Variants in GOLGA4 observed in about 807,000 individuals in gnomAD.
GOLGA4 encodes the protein golgin A4, also known as golgin subfamily A member 4.
A neutral mutation model predicts 265.9 loss-of-function variants in GOLGA4; 169 were observed. That is an observed-to-expected ratio of 0.64 (90% CI 0.56 to 0.72). GOLGA4 has a LOEUF of 0.72. GOLGA4 is among the 30% of genes least tolerant of loss of function. The probability of loss-of-function intolerance (pLI) is 0.00; values close to 1 mark genes in which losing one functional copy is unlikely to be tolerated. For missense variants in GOLGA4, 2,482 were observed against 2,483.4 expected, an observed-to-expected ratio of 1.00 and a Z score of 0.01; for synonymous variants, 923 against 855.8, an observed-to-expected ratio of 1.08 and a Z score of -1.37.
chr3:37,323,704 A>G lies in GOLGA4; in HGVS notation c.1818A>G (p.Thr606=), dbSNP rs1340751105. ...AEKNKHNKEI[T]VMVEKHKTEL... is the part of the protein sequence containing the mutation. ...AAAATAAGCACAATAAGGAGATTACAGTCATGGTTGAAAAACACAAGACAG... is the reference window on the plus strand; with the variant it reads ...AAAATAAGCACAATAAGGAGATTACGGTCATGGTTGAAAAACACAAGACAG... Residue 606 remains threonine, a synonymous_variant, in exon 14 of 24, where the codon ACA becomes ACG. Transcript: ENST00000361924. 6.2e-7 allele frequency: 1 copy of G among 1,613,788 alleles called. No homozygotes were observed. The highest frequency in any genetic ancestry group is 1.1e-5 in the South Asian group (1 of 90,914).
intron 1 of GOLGA4, among the ~76,000 whole-genome samples, chr3:37,246,700 C>T (rs2096720625): frequency 6.6e-6 from 1 of 152,114 alleles, no homozygotes; most frequent in South Asian, 2.1e-4. Context: ...GTGGTGATTC[C>T]ACAACAGTGT....
At chr3:37,275,141 G>A (rs1416322946) in intron 2 of GOLGA4, among the ~76,000 whole-genome samples, 2 of 149,332 alleles carry the variant, frequency 1.3e-5, no homozygotes, top group East Asian at 2.0e-4. Flanking sequence ...GCTTGAACCC[G>A]GGAGGCGGAG....
chr3:37,297,369 A>T (rs2096881263), intron 7 of GOLGA4, among the ~76,000 whole-genome samples: 1 of 152,154 alleles, frequency 6.6e-6, no homozygotes, highest in Admixed American at 6.5e-5. Context: ...CTTCAGACTC[A>T]TAAATGTAAA....
chr3:37,246,121 C>T (rs546054828), intron 1 of GOLGA4, among the ~76,000 whole-genome samples: 11 of 151,712 alleles, frequency 7.3e-5, no homozygotes, highest in East Asian at 3.9e-4. Flanking sequence ...GAGGCCAAGG[C>T]GGGCGGATCA....
At position 37,298,850 on chromosome 3, in the gene GOLGA4, G is replaced by A. The variant is rs576248585; in HGVS notation, c.832G>A (p.Val278Ile). 6 of 1,606,248 alleles carry A rather than the reference G, an allele frequency of 3.7e-6. No homozygotes were observed. The highest frequency in any genetic ancestry group is 2.5e-6 in the Non-Finnish European group (3 of 1,177,814). The change falls in exon 8 of 24, where the codon GTA becomes ATA. Residue 278 changes from valine to isoleucine, a missense_variant. Physicochemically the swap from Val to Ile is conservative, Grantham distance 29 (BLOSUM62 3). Transcript: ENST00000361924. The part of the protein sequence containing the change: ...GEPVVEDGTS[V>I]KTLETLQQRV... ...ATTGTTAGTGGAAGATGGAACTTCT[G>A]TAAAAACACTGGAAACACTCCAGCA...
chr3:37,248,066 T>C (rs2096724239), intron 1 of GOLGA4, among the ~76,000 whole-genome samples: 1 of 152,180 alleles, frequency 6.6e-6, no homozygotes, highest in African/African-American at 2.4e-5. Context: ...ATGAGAGTGA[T>C]AGCTCATTAT....
intron 7 of GOLGA4, among the ~76,000 whole-genome samples, chr3:37,296,888 A>G (rs935559420): frequency 1.3e-5 from 2 of 152,108 alleles, no homozygotes; most frequent in Non-Finnish European, 2.9e-5. Context: ...TTGTTTTAAT[A>G]TGCAAAAATT....
intron 19 of GOLGA4, among the ~76,000 whole-genome samples, chr3:37,338,834 T>C (rs1300485094): frequency 6.6e-6 from 1 of 151,410 alleles, no homozygotes; most frequent in Non-Finnish European, 1.5e-5. Flanking sequence ...AATGGAATAA[T>C]AACAATACTT....
chr3:37,274,035 C>T (rs1428560269), intron 2 of GOLGA4, among the ~76,000 whole-genome samples: 1 of 147,322 alleles, frequency 6.8e-6, no homozygotes, highest in African/African-American at 2.5e-5. Flanking sequence ...AGGAGGCATA[C>T]GTTGTCATGA....
intron 2 of GOLGA4, chr3:37,275,708 G>T (rs1376170228): frequency 1.2e-6 from 2 of 1,612,040 alleles, no homozygotes; most frequent in Non-Finnish European, 1.7e-6. Context: ...GGACGAAGTG[G>T]TCCGCTTTGC....
At chr3:37,363,862 C>T (rs368113821) in intron 23 of GOLGA4, among the ~76,000 whole-genome samples, 73 of 152,064 alleles carry the variant, frequency 4.8e-4, no homozygotes, top group Non-Finnish European at 7.2e-4. Context: ...AACTAGAAAA[C>T]GTCTAGCTTT....
chr3:37,275,764 A>G, intron 2 of GOLGA4: 7 of 1,613,402 alleles, frequency 4.3e-6, no homozygotes, highest in Non-Finnish European at 5.1e-6. Context: ...CGGCTGGAGC[A>G]TTGGATTTGC....
At chr3:37,258,046 C>T (rs912179497) in intron 2 of GOLGA4, among the ~76,000 whole-genome samples, 417 of 38,234 alleles carry the variant, frequency 0.011, 57 homozygotes, top group Non-Finnish European at 0.02. Flanking sequence ...TATATACATA[C>T]ATATATATAT....
At chr3:37,348,657 A>G (rs766504986) in intron 21 of GOLGA4, among the ~76,000 whole-genome samples, 5 of 152,120 alleles carry the variant, frequency 3.3e-5, no homozygotes, top group Non-Finnish European at 5.9e-5. Context: ...TAAAAAACAA[A>G]AAGCTTCTCA....
intron 11 of GOLGA4, 122 bp from the exon 12 acceptor site, chr3:37,318,941 G>A (rs1323889187): frequency 1.6e-6 from 1 of 626,510 alleles, no homozygotes; most frequent in African/African-American, 1.9e-5. Context: ...TTTCTCTTAG[G>A]AATGTGATTT....
In GOLGA4 at chr3:37,325,391, C is replaced by T. The variant is rs140368012; in HGVS notation, c.3505C>T (p.Arg1169Trp). Residue 1169 changes from arginine (R) to tryptophan (W), a missense_variant, in exon 14 of 24, where the codon CGG becomes TGG. By Grantham distance (101) the Arg-to-Trp change is moderately radical. Around this residue, in one of 3 missense-constraint regions of GOLGA4, gnomAD observed 1,536 missense variants for 1,483.7 expected, o/e 1.04. Transcript: ENST00000361924. Reference protein sequence around the residue: ...ELKMLAEEDKRKVSELTSKLK... With the variant: ...ELKMLAEEDKWKVSELTSKLK... ...GAAGATGCTGGCAGAAGAAGATAAG[C>T]GGAAGGTTTCTGAGTTGACTAGCAA... 2,093 of 1,612,380 alleles carry T rather than the reference C, an allele frequency of 1.3e-3. 20 individuals are homozygous for T. In the African/African-American group the frequency reaches 0.025, roughly 19 times the overall value.
chr3:37,276,205 A>C (rs990896341), intron 2 of GOLGA4: 1 of 1,577,132 alleles, frequency 6.3e-7, no homozygotes, highest in Admixed American at 1.8e-5. Flanking sequence ...TAGGATCTCA[A>C]ATTGAAGAAG....
chr3:37,341,533 G>T (rs1042876984), intron 20 of GOLGA4: 1 of 152,158 alleles, frequency 6.6e-6, no homozygotes, highest in Non-Finnish European at 1.5e-5. Context: ...TCCTCAAAAA[G>T]AAGTAAAAAC....
chr3:37,319,418 A>C (rs1280752709), intron 12 of GOLGA4: 1 of 282,178 alleles, frequency 3.5e-6, no homozygotes, highest in East Asian at 7.0e-5. Flanking sequence ...TTTATGAGAG[A>C]GAGTCTCGCT....
Sources: allele counts gnomAD v4.1 joint callset (sites outside exome capture counted in the v4.1 genomes callset), GRCh38; gene constraint gnomAD v4.1.1; regional missense constraint gnomAD v4.1.1; transcripts MANE v1.5; gene names NCBI Gene and HGNC (gene_info 2026-07-23, HGNC 2026-07-21).